CASD1: variants seen among roughly 807,000 people sequenced by gnomAD.
CASD1 encodes the protein CAS1 domain sialic acid O acetyltransferase 1.
CASD1 carries 41 observed loss-of-function variants against 100.0 expected under a neutral mutation model. The observed-to-expected ratio is 0.41, with a 90% CI of 0.32 to 0.53. The LOEUF is 0.53. CASD1 is among the 20% of genes least tolerant of loss of function. The pLI is 0.25. For missense variants in CASD1, 774 were observed against 948.7 expected (o/e 0.82, Z 2.42); for synonymous variants, 321 against 315.6 (o/e 1.02, Z -0.18).
At chr7:94,560,047 T>C (rs2116457742), downstream of CASD1, among the ~76,000 whole-genome samples, 1 of 152,340 alleles carries the variant, frequency 6.6e-6, no homozygotes, top group Non-Finnish European at 1.5e-5. Flanking sequence ...GCTTTGTCTT[T>C]CTCTTTTCTA....
chr7:94,599,694 T>C, the CASD1 span: 1 of 1,609,546 alleles, frequency 6.2e-7, no homozygotes, highest in Non-Finnish European at 8.5e-7. Flanking sequence ...AGAAGACACT[T>C]ACTCTGGTGT....
the CASD1 span, among the ~76,000 whole-genome samples, chr7:94,632,958 A>C: frequency 6.6e-6 from 1 of 152,034 alleles, no homozygotes; most frequent in South Asian, 2.1e-4. Context: ...GCACTCACAA[A>C]CCATAAGCTT....
At chr7:94,564,473 T>G in the CASD1 span, among the ~76,000 whole-genome samples, 5 of 152,202 alleles carry the variant, frequency 3.3e-5, no homozygotes, top group African/African-American at 1.2e-4. Context: ...TTTCAAAGTC[T>G]TCCACTTGGC....
the CASD1 span, chr7:94,623,259 G>T: frequency 2.1e-6 from 2 of 951,098 alleles, no homozygotes; most frequent in Non-Finnish European, 1.6e-6. Flanking sequence ...TATATTTTAT[G>T]TAGTTATAAA....
Position 94,547,147 on chromosome 7 carries a change from T to C in CASD1, c.1685T>C (p.Leu562Ser). The change falls in exon 13 of 18, where the codon TTA (leucine) becomes TCA (serine). Residue 562 changes from leucine (L) to serine (S), a missense_variant. By Grantham distance (145) the Leu-to-Ser change is moderately radical (BLOSUM62 -2). Coordinates refer to ENST00000297273, the MANE Select transcript of CASD1 (RefSeq NM_022900.5). ...CTGTTGAAACTAGGCTTTTTGCTGT[T>C]ATTCATATGTTTTTTGGCATATTCT... is the stretch of plus-strand genomic sequence containing the variant. Reference protein sequence around the residue: ...GLLLKLGFLLLFICFLAYSQG... With the variant: ...GLLLKLGFLLSFICFLAYSQG... 1 of 1,594,000 alleles carries C rather than the reference T, an allele frequency of 6.3e-7. No homozygotes were observed. The highest frequency in any genetic ancestry group is 8.5e-7 in the Non-Finnish European group (1 of 1,169,642).
downstream of CASD1, among the ~76,000 whole-genome samples, chr7:94,559,011 G>A (rs565103113): frequency 5.9e-5 from 9 of 152,212 alleles, no homozygotes; most frequent in African/African-American, 2.2e-4. Flanking sequence ...TGTTGGCCAA[G>A]CTGGTCTCCA....
At chr7:94,571,725 A>G in the CASD1 span, among the ~76,000 whole-genome samples, 1 of 152,192 alleles carries the variant, frequency 6.6e-6, no homozygotes, top group African/African-American at 2.4e-5. Context: ...GAGAGAAAGG[A>G]GACAAAAAGT....
At chr7:94,554,387 A>C in intron 16 of CASD1, 96 bp from the exon 17 acceptor site, 9 of 755,394 alleles carry the variant, frequency 1.2e-5, no homozygotes, top group Non-Finnish European at 1.9e-5. Context: ...AAGTTCACAA[A>C]CATAAAGAAT....
the CASD1 span, among the ~76,000 whole-genome samples, chr7:94,633,025 G>C: frequency 6.6e-6 from 1 of 151,956 alleles, no homozygotes; most frequent in African/African-American, 2.4e-5. Context: ...AACACTCTAA[G>C]AATCCACAAC....
the CASD1 span, among the ~76,000 whole-genome samples, chr7:94,562,452 A>G: frequency 1.1e-4 from 16 of 152,080 alleles, no homozygotes; most frequent in Admixed American, 2.0e-4. Context: ...CTCACTGGTT[A>G]TGTTTGAAAA....
chr7:94,560,653 TA>T (rs1475668598), downstream of CASD1, among the ~76,000 whole-genome samples: 1 of 152,186 alleles, frequency 6.6e-6, no homozygotes, highest in Non-Finnish European at 1.5e-5. Flanking sequence ...AGAATCAGCA[TA>T]AAAACAGATT....
At chr7:94,518,675 CT>C (rs1185562546) in intron 3 of CASD1, among the ~76,000 whole-genome samples, 5 of 151,828 alleles carry the variant, frequency 3.3e-5, no homozygotes, top group Non-Finnish European at 1.5e-5. Context: ...TTGCTCATCT[CT>C]TTTTTTAAAA....
intron 10 of CASD1, among the ~76,000 whole-genome samples, chr7:94,539,349 T>G (rs1401947058): frequency 1.3e-5 from 2 of 152,180 alleles, no homozygotes; most frequent in Non-Finnish European, 2.9e-5. Flanking sequence ...GCCATCTTAT[T>G]GAACAGCTAA....
intron 8 of CASD1, 48 bp downstream of exon 8, chr7:94,535,571 T>G: frequency 7.5e-7 from 1 of 1,328,826 alleles, no homozygotes; most frequent in Non-Finnish European, 1.1e-6. Flanking sequence ...TAATATCAAT[T>G]GCTTTAAGCC....
the CASD1 span, among the ~76,000 whole-genome samples, chr7:94,586,061 G>GAAAAAAAAAAAAAAAAAAAAA: frequency 6.9e-5 from 2 of 28,908 alleles, 1 homozygote; most frequent in Non-Finnish European, 1.2e-4. Flanking sequence ...GGAACTAAAT[G>GAAAAAAAAAAAAAAAAAAAAA]AAAAAAAAAA....
chr7:94,565,666 A>G, the CASD1 span, among the ~76,000 whole-genome samples: 3 of 152,116 alleles, frequency 2.0e-5, no homozygotes, highest in African/African-American at 7.2e-5. Flanking sequence ...GCTATCACCT[A>G]TCCCAAGGAC....
In CASD1 at chr7:94,555,670, C is replaced by T; in HGVS notation, c.2306C>T (p.Ser769Leu). The change falls in exon 18 of 18, where the codon TCA (serine) becomes TTA (leucine). Residue 769 changes from serine (S) to leucine (L), a missense_variant. This residue lies in a region of CASD1 where 175 missense variants were observed against 206.9 expected (regional missense o/e 0.85). Transcript: ENST00000297273. ...CAGATTATTATTCCTAAAGATAACT[C>T]ATCTCTCTTGAAAAGGTTGGCATGT... ...LAQIIIPKDN[S>L]SLLKRLACIA... is the part of the protein sequence containing the mutation. 1 of 1,613,302 alleles carries T rather than the reference C, an allele frequency of 6.2e-7. No homozygotes were observed. Among genetic ancestry groups the T allele is most frequent in the Non-Finnish European group, 8.5e-7 (1 of 1,179,510 alleles).
Position 94,532,514 on chromosome 7 carries a change from T to C in CASD1, c.460-691T>C, listed in dbSNP as rs1480652265. ...CCAGGAGAGACAGTGCCGGATAGCA[T>C]GAGACTTTATCATGTTACTCAGAAT... On this transcript the variant is annotated intron_variant, in intron 5 of 17. Coordinates refer to ENST00000297273, the MANE Select transcript of CASD1 (RefSeq NM_022900.5). Among the ~76,000 whole-genome samples the C allele has an allele frequency of 2.0e-5, 3 of 152,130 alleles. No homozygotes were observed. In the East Asian group the frequency reaches 5.8e-4, roughly 29 times the overall value.
the CASD1 span, chr7:94,600,793 T>A: frequency 6.2e-7 from 1 of 1,613,422 alleles, no homozygotes; most frequent in South Asian, 1.1e-5. Context: ...TTCTCCACCA[T>A]CAGGTAAAAT....
Sources: allele counts gnomAD v4.1 joint callset (sites outside exome capture counted in the v4.1 genomes callset), GRCh38; gene constraint gnomAD v4.1.1; regional missense constraint gnomAD v4.1.1; transcripts MANE v1.5; gene names NCBI Gene and HGNC (gene_info 2026-07-23, HGNC 2026-07-21).